Variants in CIMAP1D observed in about 807,000 individuals in gnomAD.
CIMAP1D encodes the protein CIMAP1 family member D.
chr19:481,206 T>G, the CIMAP1D span, among the ~76,000 whole-genome samples: 2 of 122,504 alleles, frequency 1.6e-5, no homozygotes, highest in African/African-American at 7.1e-5. Context: ...TGGGGAAGGA[T>G]GATGAGAAGG....
At chr19:470,835 C>T in the CIMAP1D span, among the ~76,000 whole-genome samples, 2 of 152,380 alleles carry the variant, frequency 1.3e-5, no homozygotes, top group African/African-American at 4.8e-5. Flanking sequence ...ACACCAACAG[C>T]TCCCTGGGTG....
chr19:475,986 ATTTTTTTT>A, the CIMAP1D span, among the ~76,000 whole-genome samples: 14 of 39,274 alleles, frequency 3.6e-4, no homozygotes, highest in Admixed American at 1.4e-3. Flanking sequence ...CGCCTGGCTA[ATTTTTTTT>A]TTTTTTTTTT....
chr19:486,201 G>A, the CIMAP1D span, among the ~76,000 whole-genome samples: 12 of 152,306 alleles, frequency 7.9e-5, no homozygotes, highest in East Asian at 9.7e-4. Context: ...CTTGTATTCC[G>A]AGGATTTGGG....
the CIMAP1D span, among the ~76,000 whole-genome samples, chr19:473,148 G>A: frequency 5.0e-5 from 6 of 119,072 alleles, no homozygotes; most frequent in Non-Finnish European, 6.8e-5. Context: ...GAGATACACG[G>A]TCACAGATGG....
the CIMAP1D span, among the ~76,000 whole-genome samples, chr19:483,809 G>C: frequency 6.6e-6 from 1 of 152,214 alleles, no homozygotes; most frequent in African/African-American, 2.4e-5. Flanking sequence ...TGTGTCCCCA[G>C]CTCCCCGGAA....
At chr19:486,831 G>C in the CIMAP1D span, among the ~76,000 whole-genome samples, 3 of 151,968 alleles carry the variant, frequency 2.0e-5, no homozygotes, top group African/African-American at 7.2e-5. Flanking sequence ...GAAGAATGAC[G>C]TGAACCCGGG....
chr19:471,437 T>C, the CIMAP1D span, among the ~76,000 whole-genome samples: 3 of 151,668 alleles, frequency 2.0e-5, no homozygotes, highest in Non-Finnish European at 4.4e-5. Flanking sequence ...GGTGAGCCAC[T>C]GCGCCCGGCC....
chr19:469,550 C>T, the CIMAP1D span, among the ~76,000 whole-genome samples: 9 of 151,988 alleles, frequency 5.9e-5, no homozygotes, highest in Admixed American at 1.3e-4. Flanking sequence ...ATTAGCCGGG[C>T]GTGGTGGCGG....
At chr19:478,509 C>A in the CIMAP1D span, among the ~76,000 whole-genome samples, 5 of 152,270 alleles carry the variant, frequency 3.3e-5, no homozygotes, top group Non-Finnish European at 7.3e-5. Context: ...CCAGAACGAG[C>A]TGGGGCCCCT....
chr19:471,250 G>A, the CIMAP1D span, among the ~76,000 whole-genome samples: 2 of 151,990 alleles, frequency 1.3e-5, no homozygotes, highest in South Asian at 2.1e-4. Flanking sequence ...CCGGGTTCAC[G>A]CCATTCTCCT....
chr19:470,184 C>T, the CIMAP1D span, among the ~76,000 whole-genome samples: 2 of 150,474 alleles, frequency 1.3e-5, no homozygotes, highest in East Asian at 2.0e-4. Context: ...GAACTCAGAT[C>T]GGTCTGGGTC....
chr19:467,875 C>A, the CIMAP1D span: 4 of 662,374 alleles, frequency 6.0e-6, no homozygotes, highest in Non-Finnish European at 1.0e-5. Context: ...TCAGAGGCCA[C>A]CCCAGTCCCA....
At chr19:477,732 G>A in the CIMAP1D span, among the ~76,000 whole-genome samples, 2,237 of 152,212 alleles carry the variant, frequency 0.015, 49 homozygotes, top group African/African-American at 0.049. Flanking sequence ...GCACGATCTC[G>A]GCTCACTGCG....
the CIMAP1D span, chr19:467,675 G>T: frequency 6.2e-7 from 1 of 1,611,590 alleles, no homozygotes. Flanking sequence ...GCCCTGCATG[G>T]AGTAGGCAGG....
chr19:486,214 G>A, the CIMAP1D span, among the ~76,000 whole-genome samples: 1 of 152,206 alleles, frequency 6.6e-6, no homozygotes, highest in Non-Finnish European at 1.5e-5. Flanking sequence ...GATTTGGGGG[G>A]CTGGAGAGGG....
chr19:480,514 G>GT, the CIMAP1D span, among the ~76,000 whole-genome samples: 46 of 102,212 alleles, frequency 4.5e-4, no homozygotes, highest in African/African-American at 4.2e-3. Context: ...GAAGGATGAT[G>GT]GGGAAGGATG....
the CIMAP1D span, among the ~76,000 whole-genome samples, chr19:471,753 T>C: frequency 8.0e-6 from 1 of 125,634 alleles, no homozygotes; most frequent in Admixed American, 7.8e-5. Context: ...TTTTTTTTTT[T>C]CTTTTTAGAG....
chr19:471,980 T>A, the CIMAP1D span, among the ~76,000 whole-genome samples: 2 of 152,130 alleles, frequency 1.3e-5, no homozygotes, highest in African/African-American at 4.8e-5. Flanking sequence ...TCTCCTGACC[T>A]CGTGATCCGC....
At chr19:468,804 C>T in the CIMAP1D span, among the ~76,000 whole-genome samples, 9 of 134,026 alleles carry the variant, frequency 6.7e-5, no homozygotes, top group African/African-American at 2.0e-4. Flanking sequence ...TCCACACCTT[C>T]GCCCTCCCCT....
Sources: gnomAD v4.1 joint callset for allele counts (sites outside exome capture counted in the v4.1 genomes callset) on GRCh38, gnomAD v4.1.1 for gene constraint, MANE v1.5 for transcripts, NCBI Gene and HGNC (gene_info 2026-07-23, HGNC 2026-07-21) for gene names.